ERI1: variants seen among roughly 807,000 people sequenced by gnomAD.
The protein encoded by ERI1 is exoribonuclease 1, also known as 3'-5' exoribonuclease 1.
Under a neutral mutation model 39.7 loss-of-function variants are expected in ERI1, and 39 were observed. The ratio of observed to expected loss-of-function variants is 0.98; its 90% CI spans 0.76 to 1.28. The LOEUF (loss-of-function observed/expected upper bound fraction) is 1.28, where lower values mean the gene tolerates loss of function less well. Among genes scored for constraint, ERI1 ranks in the 50% most tolerant of loss-of-function variants. The pLI is 0.00. For missense variants in ERI1, 581 were observed against 416.9 expected (o/e 1.39, Z -3.43); for synonymous variants, 204 against 149.6 (o/e 1.36, Z -2.65).
chr8:9,047,358 C>T (rs1387195729), intron 3 of ERI1, among the ~76,000 whole-genome samples: 1 of 152,178 alleles, frequency 6.6e-6, no homozygotes, highest in Non-Finnish European at 1.5e-5. Flanking sequence ...CCCTTCTCTG[C>T]TCACTTCTGT....
At chr8:9,003,996 A>G (rs1815673114) in intron 1 of ERI1, 2 of 995,292 alleles carry the variant, frequency 2.0e-6, no homozygotes, top group Non-Finnish European at 1.4e-6. Context: ...AGTCACTTCC[A>G]TTTGCTGCTC....
chr8:9,046,035 G>T (rs978028357), intron 3 of ERI1, among the ~76,000 whole-genome samples: 1 of 152,082 alleles, frequency 6.6e-6, no homozygotes, highest in African/African-American at 2.4e-5. Context: ...AGATTCTAGG[G>T]GGCGGAGTTG....
At position 9,016,307 on chromosome 8, in the gene ERI1, A is replaced by G. The variant is rs188096743; in HGVS notation, c.499-15A>G. The stretch of plus-strand genomic sequence containing the variant: ...CTCATATAAATTACTTTAACTTGCT[A>G]TCCTTCCCTTGCAGGAAGACACGTT... On this transcript the variant is annotated splice_polypyrimidine_tract_variant and intron_variant, in intron 3 of 6. Coordinates refer to ENST00000250263, the MANE Select transcript of ERI1 (RefSeq NM_153332.4). The G allele has an allele frequency of 4.2e-4, 651 of 1,556,048 alleles. 5 individuals carry two copies. In the African/African-American group the frequency reaches 7.4e-3, roughly 18 times the overall value.
chr8:9,044,423 G>C (rs1274460685), intron 3 of ERI1, among the ~76,000 whole-genome samples: 2 of 152,158 alleles, frequency 1.3e-5, no homozygotes, highest in Non-Finnish European at 2.9e-5. Context: ...CAGGTCAGCA[G>C]ACACATCACT....
chr8:9,053,761 G>A (rs947121839), intron 3 of ERI1, among the ~76,000 whole-genome samples: 7 of 152,206 alleles, frequency 4.6e-5, no homozygotes, highest in Non-Finnish European at 8.8e-5. Context: ...TGAACTGTAG[G>A]ACACCCAGTG....
downstream of ERI1, among the ~76,000 whole-genome samples, chr8:9,033,880 C>G (rs2117325587): frequency 6.6e-6 from 1 of 152,282 alleles, no homozygotes; most frequent in South Asian, 2.1e-4. Flanking sequence ...TTAAACTAGA[C>G]ATTTTCAATG....
At position 9,007,962 on chromosome 8, in the gene ERI1, T is replaced by C. The variant is rs1816210864; in HGVS notation, c.109-8T>C. The C allele has an allele frequency of 8.4e-7, 1 of 1,191,902 alleles. No individual in the cohort carries two copies. The highest frequency in any genetic ancestry group is 1.1e-6 in the Non-Finnish European group (1 of 888,076). The allele number at this position is 1,191,902 out of a possible 1,614,324, so 73.8% of individuals were successfully genotyped here. On this transcript the variant is annotated splice_region_variant and splice_polypyrimidine_tract_variant and intron_variant, in intron 1 of 6. Coordinates refer to ENST00000250263, the MANE Select transcript of ERI1 (RefSeq NM_153332.4). ...TTTTTTTTTTTTTTTTTTTTTTTTT[T>C]TTGGTAGGAAACTCAACAGTGTAAA...
At chr8:9,090,803 G>C (rs925242165) in intron 3 of ERI1, among the ~76,000 whole-genome samples, 1 of 152,128 alleles carries the variant, frequency 6.6e-6, no homozygotes, top group Non-Finnish European at 1.5e-5. Flanking sequence ...ATAAAACAAT[G>C]AACTTTCCAG....
At chr8:9,028,003 G>A (rs1797304776) in intron 6 of ERI1, among the ~76,000 whole-genome samples, 1 of 152,194 alleles carries the variant, frequency 6.6e-6, no homozygotes, top group Admixed American at 6.5e-5. Context: ...ATTGCAACAT[G>A]ATAATTGTAG....
intron 3 of ERI1, chr8:9,049,818 C>G (rs567275642): frequency 6.6e-6 from 1 of 152,244 alleles, no homozygotes; most frequent in Non-Finnish European, 1.5e-5. Flanking sequence ...AAGACATCAA[C>G]GGAGAGATAA....
chr8:9,066,973 C>T (rs1798899355), intron 3 of ERI1, among the ~76,000 whole-genome samples: 1 of 152,044 alleles, frequency 6.6e-6, no homozygotes, highest in Non-Finnish European at 1.5e-5. Context: ...GAATAAACGC[C>T]CATGAACTGG....
intron 3 of ERI1, among the ~76,000 whole-genome samples, chr8:9,040,562 A>G (rs1252046559): frequency 6.6e-6 from 1 of 152,180 alleles, no homozygotes; most frequent in Non-Finnish European, 1.5e-5. Flanking sequence ...ATTCCAAATT[A>G]ATTAGGTCAT....
At position 9,003,188 on chromosome 8, in the gene ERI1, C is replaced by G; in HGVS notation, c.108+17C>G. On this transcript the variant is annotated intron_variant, in intron 1 of 6. Transcript: ENST00000250263. ...AGTCCCGAGGTGAGGAGTCGACCCG[C>G]GCCTGGCTGTTGGCGCCAGCTGCCC... The G allele has an allele frequency of 1.6e-6, 2 of 1,235,820 alleles. No homozygotes were observed. Among genetic ancestry groups the G allele is most frequent in the Non-Finnish European group, 2.0e-6 (2 of 987,298 alleles). The allele number at this position is 1,235,820 out of a possible 1,614,324, so 76.6% of individuals were successfully genotyped here.
chr8:9,063,447 AG>A, intron 3 of ERI1, among the ~76,000 whole-genome samples: 1 of 152,176 alleles, frequency 6.6e-6, no homozygotes, highest in Middle Eastern at 3.4e-3. Flanking sequence ...GGGTGTGAGG[AG>A]GGGAGGTGAT....
chr8:9,029,805 A>C lies in ERI1; in HGVS notation c.821A>C (p.Gln274Pro). 1 of 1,614,224 alleles carries C rather than the reference A, an allele frequency of 6.2e-7. No individual in the cohort carries two copies. Among genetic ancestry groups the C allele is most frequent in the Non-Finnish European group, 8.5e-7 (1 of 1,180,034 alleles). ...TTTATTTTTCAGGTTCCTAGAAGCC[A>C]AACCAAACTGACAATAATGCTTGAA... ...YGNFYKVPRS[Q>P]TKLTIMLEKL... Residue 274 changes from glutamine to proline, a missense_variant, in exon 7 of 7, where the codon CAA becomes CCA. By Grantham distance (76) the Gln-to-Pro change is moderately conservative (BLOSUM62 -1). Coordinates refer to ENST00000250263, the MANE Select transcript of ERI1 (RefSeq NM_153332.4).
At chr8:9,006,892 G>T (rs1351927195) in intron 1 of ERI1, among the ~76,000 whole-genome samples, 1 of 152,154 alleles carries the variant, frequency 6.6e-6, no homozygotes, top group African/African-American at 2.4e-5. Flanking sequence ...GAACCATCAG[G>T]ATCAGTTCTG....
intron 2 of ERI1, among the ~76,000 whole-genome samples, chr8:9,010,594 A>G (rs1816560940): frequency 6.6e-6 from 1 of 151,892 alleles, no homozygotes; most frequent in Non-Finnish European, 1.5e-5. Context: ...GTCATTAATC[A>G]GTTAACATGA....
chr8:9,067,757 G>A (rs773139395), intron 3 of ERI1, among the ~76,000 whole-genome samples: 1 of 152,026 alleles, frequency 6.6e-6, no homozygotes, highest in East Asian at 1.9e-4. Context: ...GGGTTCCACG[G>A]TATTAACTGA....
At chr8:9,036,262 G>C (rs1205204996), downstream of ERI1, among the ~76,000 whole-genome samples, 1 of 152,172 alleles carries the variant, frequency 6.6e-6, no homozygotes, top group Middle Eastern at 3.2e-3. Context: ...GCATGATAAA[G>C]AGAAATCTTT....
Sources: gnomAD v4.1 joint callset for allele counts (sites outside exome capture counted in the v4.1 genomes callset) on GRCh38, gnomAD v4.1.1 for gene constraint, MANE v1.5 for transcripts, NCBI Gene and HGNC (gene_info 2026-07-23, HGNC 2026-07-21) for gene names.